The following LINGO2 variants were observed in gnomAD, a reference collection of about 807,000 sequenced individuals.
The protein encoded by LINGO2 is leucine-rich repeat and immunoglobulin-like domain-containing nogo receptor-interacting protein 2.
A neutral mutation model predicts 30.6 loss-of-function variants in LINGO2; 14 were observed. That is an observed-to-expected ratio of 0.46 (90% CI 0.30 to 0.72). The LOEUF (loss-of-function observed/expected upper bound fraction) is 0.72. Ranked by LOEUF, LINGO2 falls within the 30% of genes least tolerant of loss-of-function variation. The pLI is 0.07. For missense variants in LINGO2, 729 were observed against 751.7 expected (o/e 0.97, Z 0.35); for synonymous variants, 317 against 288.5 (o/e 1.10, Z -1.00).
the LINGO2 span, among the ~76,000 whole-genome samples, chr9:29,017,412 T>C: frequency 6.6e-6 from 1 of 152,132 alleles, no homozygotes; most frequent in Non-Finnish European, 1.5e-5. Flanking sequence ...TTTCAATGCT[T>C]TTCAGAAAAA....
chr9:28,745,878 A>G, the LINGO2 span, among the ~76,000 whole-genome samples: 1 of 151,448 alleles, frequency 6.6e-6, no homozygotes, highest in African/African-American at 2.4e-5. Flanking sequence ...AAATTGGACT[A>G]AATCACTTCT....
chr9:28,553,248 G>GA (rs1315634734), intron 1 of LINGO2, among the ~76,000 whole-genome samples: 2 of 151,966 alleles, frequency 1.3e-5, no homozygotes, highest in East Asian at 3.9e-4. Context: ...TGAAAACTTT[G>GA]AAAAAAATGT....
intron 5 of LINGO2, among the ~76,000 whole-genome samples, chr9:28,010,795 G>T (rs540824920): frequency 1.3e-5 from 2 of 152,066 alleles, no homozygotes; most frequent in African/African-American, 4.8e-5. Flanking sequence ...ACTCCAAAAA[G>T]AAATTAAAAA....
At chr9:29,163,440 A>G in the LINGO2 span, among the ~76,000 whole-genome samples, 1 of 152,194 alleles carries the variant, frequency 6.6e-6, no homozygotes, top group Non-Finnish European at 1.5e-5. Context: ...TAGAAAAACA[A>G]TGAGTAGGAA....
chr9:29,196,442 C>A, the LINGO2 span, among the ~76,000 whole-genome samples: 1 of 151,918 alleles, frequency 6.6e-6, no homozygotes, highest in Non-Finnish European at 1.5e-5. Context: ...ATATATGCAA[C>A]TTGAAGATTT....
At chr9:28,646,711 CT>C (rs1827858577) in intron 1 of LINGO2, among the ~76,000 whole-genome samples, 1 of 151,994 alleles carries the variant, frequency 6.6e-6, no homozygotes, top group Admixed American at 6.6e-5. Flanking sequence ...GCAATAATTT[CT>C]TATGAAATGT....
At chr9:27,950,585 G>C (rs151170034) in exon 6 of LINGO2, 7 of 1,527,722 alleles carry the variant, frequency 4.6e-6, no homozygotes, top group Non-Finnish European at 6.2e-6. Context: ...CACAGCGAGC[G>C]GGGCAGCCAA....
At chr9:28,948,487 T>C in the LINGO2 span, among the ~76,000 whole-genome samples, 1 of 152,058 alleles carries the variant, frequency 6.6e-6, no homozygotes, top group African/African-American at 2.4e-5. Flanking sequence ...TTGGCTCTTT[T>C]GGCAAAATTT....
At position 28,326,420 on chromosome 9, in the gene LINGO2, CCTTT is replaced by C. The variant is rs372099273; in HGVS notation, c.-245-31058_-245-31055del. ...TCTACCCTAACCCAATTTTTCACTT[CCTTT>C]GTTTGTTCACTTAAATCTTACTTTC... is the stretch of plus-strand genomic sequence containing the variant. On this transcript the variant is annotated intron_variant, in intron 3 of 5. Coordinates refer to ENST00000379992, the Ensembl canonical transcript of LINGO2. Among the ~76,000 whole-genome samples the C allele has an allele frequency of 3.9e-3, 597 of 152,288 alleles. 4 individuals are homozygous for C. Among genetic ancestry groups the C allele is most frequent in the African/African-American group, 0.014 (575 of 41,554 alleles).
the LINGO2 span, among the ~76,000 whole-genome samples, chr9:29,062,991 G>T: frequency 2.0e-5 from 3 of 151,990 alleles, no homozygotes; most frequent in Non-Finnish European, 4.4e-5. Flanking sequence ...CAGCCCTACT[G>T]GACATCCTAT....
At chr9:28,322,438 T>TACAC (rs61397051) in intron 3 of LINGO2, among the ~76,000 whole-genome samples, 121 of 150,578 alleles carry the variant, frequency 8.0e-4, no homozygotes, top group South Asian at 2.1e-3. Flanking sequence ...AGGCACTCAG[T>TACAC]ACACACACAC....
chr9:28,854,288 T>C, the LINGO2 span, among the ~76,000 whole-genome samples: 9 of 152,130 alleles, frequency 5.9e-5, no homozygotes, highest in East Asian at 1.5e-3. Flanking sequence ...TAAGCACAAT[T>C]TGAATGCTGA....
the LINGO2 span, among the ~76,000 whole-genome samples, chr9:28,775,661 A>C: frequency 6.6e-6 from 1 of 152,230 alleles, no homozygotes; most frequent in Non-Finnish European, 1.5e-5. Flanking sequence ...CCTGAGAAGA[A>C]GAATTTCATG....
At chr9:29,195,780 T>C in the LINGO2 span, among the ~76,000 whole-genome samples, 1 of 152,152 alleles carries the variant, frequency 6.6e-6, no homozygotes, top group Non-Finnish European at 1.5e-5. Flanking sequence ...AGATGTCAGA[T>C]ATGCAAGAGA....
At position 28,590,634 on chromosome 9, in the gene LINGO2, C is replaced by T. The variant is rs552163336; in HGVS notation, c.-365+79566G>A. ...TACCATCTCACACCAGTCAGAATGG[C>T]GATCATTAAAAAGTCAGGAAACGAC... On this transcript the variant is annotated intron_variant, in intron 1 of 5. Transcript: ENST00000379992. 1.8e-4 allele frequency among the ~76,000 whole-genome samples: 28 copies of T among 151,990 alleles called. No homozygotes were observed. In the South Asian group the frequency reaches 5.0e-3, roughly 27 times the overall value.
At chr9:28,376,408 TCA>T (rs1310645633) in intron 2 of LINGO2, among the ~76,000 whole-genome samples, 2 of 152,182 alleles carry the variant, frequency 1.3e-5, no homozygotes, top group Admixed American at 1.3e-4. Flanking sequence ...GGAGCTGTTC[TCA>T]GATGGGATAA....
intron 2 of LINGO2, among the ~76,000 whole-genome samples, chr9:28,393,064 G>T (rs151069805): frequency 9.5e-4 from 145 of 152,322 alleles, no homozygotes; most frequent in African/African-American, 3.2e-3. Flanking sequence ...CTCTTAGAGT[G>T]ATGAAAACGT....
chr9:29,123,664 C>T, the LINGO2 span, among the ~76,000 whole-genome samples: 6 of 151,904 alleles, frequency 3.9e-5, no homozygotes, highest in African/African-American at 1.4e-4. Context: ...GAATGTAAAA[C>T]AAATTTATAT....
At chr9:27,980,075 C>G (rs1415992803) in intron 5 of LINGO2, among the ~76,000 whole-genome samples, 1 of 151,838 alleles carries the variant, frequency 6.6e-6, no homozygotes, top group Non-Finnish European at 1.5e-5. Context: ...GTTCAGAGTA[C>G]TTTAGTTAAT....
Sources: allele counts gnomAD v4.1 joint callset (sites outside exome capture counted in the v4.1 genomes callset), GRCh38; gene constraint gnomAD v4.1.1; transcripts MANE v1.5; gene names NCBI Gene and HGNC (gene_info 2026-07-23, HGNC 2026-07-21).